The following ANKRD12 variants were observed in gnomAD, a reference collection of about 807,000 sequenced individuals.
ANKRD12 encodes ankyrin repeat domain-containing protein 12.
In ANKRD12, 85 loss-of-function variants were observed where a neutral mutation model predicts 183.4. The observed-to-expected ratio is 0.46, with a 90% CI of 0.39 to 0.56. ANKRD12 has a LOEUF of 0.56. ANKRD12 is among the 20% of genes least tolerant of loss of function. The pLI is 0.00. For missense variants in ANKRD12, 2,405 were observed against 2,357.1 expected (o/e 1.02, Z -0.42); for synonymous variants, 914 against 800.2 (o/e 1.14, Z -2.40).
Position 9,218,467 on chromosome 18 carries a change from A to G in ANKRD12, c.795+1567A>G, listed in dbSNP as rs2036233315. Among the ~76,000 whole-genome samples the G allele has an allele frequency of 3.3e-5, 5 of 152,290 alleles. No homozygotes were observed. The South Asian group carries it at 1.0e-3, about 32-fold the overall frequency. On this transcript the variant is annotated intron_variant, in intron 7 of 12. Coordinates refer to ENST00000262126, the MANE Select transcript of ANKRD12 (RefSeq NM_015208.5). ...GTGTATTCTGAGCCACTCCCAAATA[A>G]TTAGATTTCTTTCTTTCAGTAATAG...
rs764462525 is a variant in ANKRD12, at chr18:9,254,314, C to T, written c.1047C>T (p.Pro349=). 5 of 1,612,542 alleles carry T rather than the reference C, an allele frequency of 3.1e-6. No individual in the cohort carries two copies. In the Admixed American group the frequency reaches 6.7e-5, roughly 22 times the overall value. The change falls in exon 9 of 13, where the codon CCC becomes CCT. Residue 349 remains proline (P), a synonymous_variant. Transcript: ENST00000262126. ...TCTGTGAAAGTAAACAGATACTTCC[C>T]AGTAAAACACCTCTTCCATCTGCCC... ...SLICESKQIL[P]SKTPLPSALD...
chr18:9,186,982 C>T (rs564462543), intron 2 of ANKRD12, among the ~76,000 whole-genome samples: 2 of 151,838 alleles, frequency 1.3e-5, no homozygotes, highest in South Asian at 2.1e-4. Context: ...CGAATGGTCT[C>T]AATCTCCTGA....
At chr18:9,186,750 C>CT (rs759387137) in intron 2 of ANKRD12, among the ~76,000 whole-genome samples, 7,080 of 117,216 alleles carry the variant, frequency 0.06, 380 homozygotes, top group African/African-American at 0.12. Context: ...CTTTGATTGT[C>CT]TTTTTTTTTT....
intron 9 of ANKRD12, chr18:9,259,368 T>G: frequency 6.5e-6 from 1 of 154,246 alleles, no homozygotes; most frequent in Non-Finnish European, 1.4e-5. Context: ...CAAACACATT[T>G]ACGTGTTTAA....
chr18:9,246,571 T>G (rs2037975018), intron 8 of ANKRD12, among the ~76,000 whole-genome samples: 1 of 152,330 alleles, frequency 6.6e-6, no homozygotes, highest in East Asian at 1.9e-4. Flanking sequence ...GTGAAATAAG[T>G]GCCCGGAGCA....
chr18:9,217,444 T>A (rs995861246), intron 7 of ANKRD12, among the ~76,000 whole-genome samples: 2 of 152,130 alleles, frequency 1.3e-5, no homozygotes, highest in African/African-American at 4.8e-5. Context: ...TACATGTAAA[T>A]GCACATTGAA....
In ANKRD12 at chr18:9,204,557, T is replaced by G; in HGVS notation, c.304+13T>G. The G allele has an allele frequency of 6.4e-7, 1 of 1,552,292 alleles. No individual in the cohort carries two copies. Among genetic ancestry groups the G allele is most frequent in the Non-Finnish European group, 8.8e-7 (1 of 1,139,988 alleles). On this transcript the variant is annotated intron_variant, in intron 4 of 12. Transcript: ENST00000262126. ...AGGACATACTCAGGTAATTAGATTA[T>G]CAGGTGTTCCTGTTTAGCCAGTGGT...
rs1398605980 is a variant in ANKRD12 at position 9,285,520 on chromosome 18, AT to A, written c.*4395del. On this transcript the variant is annotated 3_prime_UTR_variant, in exon 13 of 13. Transcript: ENST00000262126. Reference sequence around the variant, plus strand: ...ACCTATGCACTCATCACTCAAGAGAATATCAATAACTTTCTCAGTTTTTTTT... The same window carrying A: ...ACCTATGCACTCATCACTCAAGAGAAATCAATAACTTTCTCAGTTTTTTTT... 6.6e-6 allele frequency: 1 copy of A among 152,086 alleles called. No homozygotes were observed. The highest frequency in any genetic ancestry group is 1.5e-5 in the Non-Finnish European group (1 of 68,012). The allele number at this position is 152,086 out of a possible 1,614,324, so 9.4% of individuals were successfully genotyped here.
chr18:9,254,366 G>C lies in ANKRD12; in HGVS notation c.1099G>C (p.Asp367His). 6.2e-7 allele frequency: 1 copy of C among 1,610,692 alleles called. No homozygotes were observed. Among genetic ancestry groups the C allele is most frequent in the Non-Finnish European group, 8.5e-7 (1 of 1,178,824 alleles). ...ALDEYEFKDD[D>H]DEEINKMIDD... ...TGATGAGTATGAGTTCAAAGATGAT[G>C]ATGATGAAGAAATTAATAAGATGAT... Residue 367 changes from aspartate to histidine, a missense_variant, in exon 9 of 13, where the codon GAT (aspartate) becomes CAT (histidine). This residue lies in a region of ANKRD12 where 1,983 missense variants were observed against 1,725.9 expected (regional missense o/e 1.15). Coordinates refer to ENST00000262126, the MANE Select transcript of ANKRD12 (RefSeq NM_015208.5).
At chr18:9,156,994 T>G (rs1001606005) in intron 1 of ANKRD12, among the ~76,000 whole-genome samples, 2 of 152,192 alleles carry the variant, frequency 1.3e-5, no homozygotes, top group Admixed American at 1.3e-4. Flanking sequence ...AAATGAGTTT[T>G]CTTGTTAAAT....
chr18:9,184,633 A>C (rs1716140429), intron 2 of ANKRD12, among the ~76,000 whole-genome samples: 1 of 152,026 alleles, frequency 6.6e-6, no homozygotes, highest in Admixed American at 6.6e-5. Flanking sequence ...AGCCTCCCAA[A>C]GTGCTGGGAT....
chr18:9,217,424 A>G (rs973055227), intron 7 of ANKRD12, among the ~76,000 whole-genome samples: 1 of 152,216 alleles, frequency 6.6e-6, no homozygotes, highest in African/African-American at 2.4e-5. Context: ...TTCAAAGGAA[A>G]AAAAGACACT....
intron 2 of ANKRD12, among the ~76,000 whole-genome samples, chr18:9,185,176 T>C (rs151161370): frequency 6.6e-6 from 1 of 152,342 alleles, no homozygotes; most frequent in African/African-American, 2.4e-5. Context: ...GAGGTGAGTC[T>C]AGCACTAGAC....
At chr18:9,203,446 T>C (rs1469823378) in intron 3 of ANKRD12, among the ~76,000 whole-genome samples, 2 of 152,148 alleles carry the variant, frequency 1.3e-5, no homozygotes, top group Non-Finnish European at 2.9e-5. Flanking sequence ...CACAATAATA[T>C]TGTGAGTTGA....
At chr18:9,200,840 G>A (rs12455304) in intron 3 of ANKRD12, among the ~76,000 whole-genome samples, 16,795 of 152,184 alleles carry the variant, frequency 0.11, 1,082 homozygotes, top group African/African-American at 0.16. Flanking sequence ...GCAGTACAGG[G>A]TTGGCATAGC....
chr18:9,257,426 A>C lies in ANKRD12; in HGVS notation c.4159A>C (p.Asn1387His). ...SNSKYVSADR[N>H]LIKNTAPVNT... ...CAGCAAGTATGTTTCAGCTGATAGA[A>C]ATCTCATCAAGAATACTGCCCCAGT... The change falls in exon 9 of 13, where the codon AAT becomes CAT. Residue 1387 changes from asparagine (N) to histidine (H), a missense_variant. Physicochemically the swap from Asn to His is moderately conservative, Grantham distance 68. This residue lies in a region of ANKRD12 where 1,983 missense variants were observed against 1,725.9 expected (regional missense o/e 1.15). Coordinates refer to ENST00000262126, the MANE Select transcript of ANKRD12 (RefSeq NM_015208.5). 1 of 1,614,138 alleles carries C rather than the reference A, an allele frequency of 6.2e-7. No homozygotes were observed. The highest frequency in any genetic ancestry group is 8.5e-7 in the Non-Finnish European group (1 of 1,179,998).
intron 1 of ANKRD12, among the ~76,000 whole-genome samples, chr18:9,178,454 G>A (rs1432615184): frequency 2.6e-5 from 4 of 152,164 alleles, no homozygotes; most frequent in African/African-American, 4.8e-5. Context: ...TGGATTGGAT[G>A]TATATGTGTA....
chr18:9,229,225 G>A (rs147967119), intron 8 of ANKRD12, among the ~76,000 whole-genome samples: 2 of 152,116 alleles, frequency 1.3e-5, no homozygotes, highest in East Asian at 3.9e-4. Flanking sequence ...ATATTTTGAA[G>A]TGATTCCTCC....
intron 1 of ANKRD12, among the ~76,000 whole-genome samples, chr18:9,167,192 C>A (rs1254558286): frequency 6.6e-6 from 1 of 152,140 alleles, no homozygotes; most frequent in African/African-American, 2.4e-5. Context: ...ATTGACTTGG[C>A]AATGCGGGCT....
Sources: allele counts gnomAD v4.1 joint callset (sites outside exome capture counted in the v4.1 genomes callset), GRCh38; gene constraint gnomAD v4.1.1; regional missense constraint gnomAD v4.1.1; transcripts MANE v1.5; gene names NCBI Gene and HGNC (gene_info 2026-07-23, HGNC 2026-07-21).